The following IQCM variants were observed in gnomAD, a reference collection of about 807,000 sequenced individuals.
The protein encoded by IQCM is IQ motif containing M.
A neutral mutation model predicts 57.6 loss-of-function variants in IQCM; 45 were observed. That is an observed-to-expected ratio of 0.78 (90% confidence interval 0.62 to 1.00). IQCM has a LOEUF of 1.00. Among genes scored for constraint, IQCM ranks in the 50% least tolerant of loss-of-function variants. The pLI is 0.00. For missense variants in IQCM, 468 were observed against 511.6 expected (o/e 0.91, Z 0.82); for synonymous variants, 148 against 158.9 (o/e 0.93, Z 0.51).
At chr4:149,643,479 G>A (rs963415562) in intron 7 of IQCM, among the ~76,000 whole-genome samples, 1 of 152,178 alleles carries the variant, frequency 6.6e-6, no homozygotes, top group African/African-American at 2.4e-5. Context: ...AGACATTTAA[G>A]CTGGACATTA....
chr4:149,768,868 C>A (rs923446631), intron 2 of IQCM, among the ~76,000 whole-genome samples: 1 of 151,984 alleles, frequency 6.6e-6, no homozygotes, highest in Admixed American at 6.6e-5. Context: ...GTTTTTTGGG[C>A]ACTTTATGTA....
At chr4:149,670,501 C>A (rs1197315915) in intron 7 of IQCM, among the ~76,000 whole-genome samples, 1 of 152,146 alleles carries the variant, frequency 6.6e-6, no homozygotes, top group East Asian at 1.9e-4. Flanking sequence ...CTGGCCAGAA[C>A]TTCCAACACT....
chr4:149,597,810 A>T (rs1234261724), intron 8 of IQCM, among the ~76,000 whole-genome samples: 1 of 152,158 alleles, frequency 6.6e-6, no homozygotes, highest in Non-Finnish European at 1.5e-5. Flanking sequence ...TTACTGAAAG[A>T]CACTGATTTT....
At chr4:149,726,720 A>G (rs1174527756) in intron 5 of IQCM, among the ~76,000 whole-genome samples, 1 of 152,138 alleles carries the variant, frequency 6.6e-6, no homozygotes, top group Non-Finnish European at 1.5e-5. Context: ...TAAAATATAC[A>G]CTGGATTTTG....
rs1728672991 is a variant in IQCM at position 149,352,852 on chromosome 4, G to A, written c.1391-786C>T. Among the ~76,000 whole-genome samples the A allele has an allele frequency of 1.3e-5, 2 of 152,130 alleles. 1 individual carries two copies. Among genetic ancestry groups the A allele is most frequent in the South Asian group, 4.1e-4 (2 of 4,826 alleles). On this transcript the variant is annotated intron_variant, in intron 13 of 13. Transcript: ENST00000636793. The stretch of plus-strand genomic sequence containing the variant: ...AATAAATAAAAGGTATAGATTTACT[G>A]TGGCCACCATTATACAAAGAAATAA...
intron 5 of IQCM, among the ~76,000 whole-genome samples, chr4:149,728,602 C>T (rs1259972098): frequency 2.0e-5 from 3 of 152,144 alleles, no homozygotes; most frequent in African/African-American, 7.2e-5. Context: ...GAGGAGAACA[C>T]ATAACACTTT....
chr4:149,656,212 A>C (rs1302389449), intron 7 of IQCM, among the ~76,000 whole-genome samples: 1 of 152,168 alleles, frequency 6.6e-6, no homozygotes, highest in Non-Finnish European at 1.5e-5. Flanking sequence ...TTATATTAAA[A>C]ATGAGTTTAT....
At chr4:149,558,435 G>A (rs1459433898) in intron 10 of IQCM, among the ~76,000 whole-genome samples, 1 of 152,100 alleles carries the variant, frequency 6.6e-6, no homozygotes, top group Non-Finnish European at 1.5e-5. Flanking sequence ...CTCCTAGTAT[G>A]GGCCAAGAAT....
chr4:149,384,977 T>G (rs528449156), intron 13 of IQCM, among the ~76,000 whole-genome samples: 1 of 152,232 alleles, frequency 6.6e-6, no homozygotes, highest in Admixed American at 6.6e-5. Flanking sequence ...ATTAAAATTT[T>G]CTACACCATC....
At chr4:149,620,017 C>T (rs1756183351) in intron 8 of IQCM, among the ~76,000 whole-genome samples, 1 of 152,024 alleles carries the variant, frequency 6.6e-6, no homozygotes, top group Non-Finnish European at 1.5e-5. Context: ...ATTATCCAGG[C>T]ATGGTGGCAA....
Position 149,565,754 on chromosome 4 carries a change from A to G in IQCM, c.750-1864T>C, listed in dbSNP as rs532286261. ...ATTTTTGACCTATATCTAAACATGT[A>G]TAACTGAGGCTGCTAGTTCTCTTTG... is the stretch of plus-strand genomic sequence containing the variant. On this transcript the variant is annotated intron_variant, in intron 9 of 13. Transcript: ENST00000636793. Among the ~76,000 whole-genome samples the G allele has an allele frequency of 2.6e-5, 4 of 152,320 alleles. No individual in the cohort carries two copies. The East Asian group carries it at 5.8e-4, about 22-fold the overall frequency.
chr4:149,560,097 T>C lies in IQCM; in HGVS notation c.948+3595A>G, dbSNP rs2149928013. Among the ~76,000 whole-genome samples, 3 of 152,328 alleles carry C rather than the reference T, an allele frequency of 2.0e-5. No homozygotes were observed. The South Asian group carries it at 6.2e-4, about 32-fold the overall frequency. ...TCCCTGGCACCAAAAAGGTTGGGGA[T>C]TGCTGCTATACAAGATGACCTGTCC... On this transcript the variant is annotated intron_variant, in intron 10 of 13. Transcript: ENST00000636793.
chr4:149,569,638 C>A (rs1750970913), intron 9 of IQCM, among the ~76,000 whole-genome samples: 1 of 152,042 alleles, frequency 6.6e-6, no homozygotes, highest in Non-Finnish European at 1.5e-5. Context: ...AGAATGGTAG[C>A]CTTATGAACA....
At chr4:149,572,534 A>G (rs1055465391) in intron 9 of IQCM, among the ~76,000 whole-genome samples, 21 of 151,966 alleles carry the variant, frequency 1.4e-4, no homozygotes, top group African/African-American at 4.8e-4. Flanking sequence ...ATCTCTATTA[A>G]AAGATATATA....
At chr4:149,710,556 T>C (rs1426037523) in intron 5 of IQCM, among the ~76,000 whole-genome samples, 4 of 152,054 alleles carry the variant, frequency 2.6e-5, no homozygotes, top group South Asian at 4.1e-4. Context: ...TGTGCTCCCA[T>C]TAATAAATGT....
intron 2 of IQCM, among the ~76,000 whole-genome samples, chr4:149,798,236 T>C (rs1773292211): frequency 6.6e-6 from 1 of 152,044 alleles, no homozygotes; most frequent in Non-Finnish European, 1.5e-5. Context: ...ACTTTTCTTT[T>C]TGCTTGTTTT....
intron 7 of IQCM, among the ~76,000 whole-genome samples, chr4:149,653,096 T>C (rs951972111): frequency 6.6e-6 from 1 of 152,182 alleles, no homozygotes; most frequent in Non-Finnish European, 1.5e-5. Context: ...GCCTAAGTTA[T>C]AAAATCAATA....
At chr4:149,725,362 C>T (rs758907240) in intron 5 of IQCM, among the ~76,000 whole-genome samples, 2 of 152,068 alleles carry the variant, frequency 1.3e-5, no homozygotes, top group Non-Finnish European at 2.9e-5. Context: ...TTCCATTCAC[C>T]CTGAAGTGAA....
intron 10 of IQCM, among the ~76,000 whole-genome samples, chr4:149,561,078 A>C (rs1246072152): frequency 6.6e-6 from 1 of 152,230 alleles, no homozygotes; most frequent in African/African-American, 2.4e-5. Flanking sequence ...CAGATGAAGC[A>C]CCATGCCAAT....
Sources: allele counts gnomAD v4.1 joint callset (sites outside exome capture counted in the v4.1 genomes callset), GRCh38; gene constraint gnomAD v4.1.1; transcripts MANE v1.5; gene names NCBI Gene and HGNC (gene_info 2026-07-23, HGNC 2026-07-21).